Variants in PDE7B observed in about 807,000 individuals in gnomAD.
The protein encoded by PDE7B is 3',5'-cyclic-AMP phosphodiesterase 7B.
A neutral mutation model predicts 56.2 loss-of-function variants in PDE7B; 29 were observed. That is an observed-to-expected ratio of 0.52 (90% confidence interval 0.38 to 0.70). The LOEUF is 0.70. PDE7B is among the 30% of genes least tolerant of loss of function. The pLI, the probability that PDE7B is intolerant of heterozygous loss-of-function variation, is 0.00. For synonymous variants in PDE7B, 197 were observed against 196.9 expected, an observed-to-expected ratio of 1.00 and a Z score of 0.00; for missense variants, 490 against 565.0, an observed-to-expected ratio of 0.87 and a Z score of 1.35.
intron 2 of PDE7B, among the ~76,000 whole-genome samples, chr6:135,952,518 A>G (rs181832141): frequency 1.9e-4 from 29 of 152,240 alleles, no homozygotes; most frequent in African/African-American, 6.5e-4. Context: ...TTGTTCAGCA[A>G]GAGATTGAGG....
At chr6:135,905,501 G>C (rs1261865746) in intron 1 of PDE7B, among the ~76,000 whole-genome samples, 1 of 152,008 alleles carries the variant, frequency 6.6e-6, no homozygotes, top group Non-Finnish European at 1.5e-5. Context: ...CATCCAATAC[G>C]GTCTCCTTTC....
At position 135,997,941 on chromosome 6, in the gene PDE7B, C is replaced by A. The variant is rs146333796; in HGVS notation, c.82+50417C>A. ...TATAAGGATCATTTAGTACATTTTA[C>A]AAAACAAACAAACATACACTAATGG... is the stretch of plus-strand genomic sequence containing the variant. On this transcript the variant is annotated intron_variant, in intron 2 of 12. Coordinates refer to ENST00000308191, the MANE Select transcript of PDE7B (RefSeq NM_018945.4). Among the ~76,000 whole-genome samples, 1,057 of 152,132 alleles carry A rather than the reference C, an allele frequency of 6.9e-3. 30 individuals are homozygous for A. Among genetic ancestry groups the A allele is most frequent in the Admixed American group, 0.051 (774 of 15,266 alleles).
At chr6:136,030,522 C>T (rs531059057) in intron 2 of PDE7B, among the ~76,000 whole-genome samples, 1 of 152,280 alleles carries the variant, frequency 6.6e-6, no homozygotes, top group Admixed American at 6.5e-5. Context: ...TTCTCTGAAT[C>T]AGCAGCACCA....
intron 2 of PDE7B, among the ~76,000 whole-genome samples, chr6:136,054,194 C>T (rs1776687130): frequency 6.6e-6 from 1 of 152,134 alleles, no homozygotes; most frequent in Non-Finnish European, 1.5e-5. Context: ...TTAGGTCTAA[C>T]ATTTAAGTCT....
intron 2 of PDE7B, among the ~76,000 whole-genome samples, chr6:136,025,157 T>A (rs1180044899): frequency 6.6e-6 from 1 of 152,196 alleles, no homozygotes; most frequent in Non-Finnish European, 1.5e-5. Flanking sequence ...CGGAACTCTC[T>A]CCATATTTTT....
At chr6:135,883,291 CT>C (rs1433635462) in intron 1 of PDE7B, among the ~76,000 whole-genome samples, 1 of 152,292 alleles carries the variant, frequency 6.6e-6, no homozygotes, top group Admixed American at 6.5e-5. Context: ...CAAGGTGACA[CT>C]GAGCCCTCAT....
At chr6:136,125,406 A>C (rs77378200) in intron 3 of PDE7B, among the ~76,000 whole-genome samples, 4 of 152,028 alleles carry the variant, frequency 2.6e-5, no homozygotes, top group African/African-American at 9.7e-5. Context: ...TCTTAAAAAA[A>C]TTAAAAAATT....
intron 2 of PDE7B, among the ~76,000 whole-genome samples, chr6:136,020,833 A>G (rs1776058813): frequency 6.6e-6 from 1 of 152,206 alleles, no homozygotes; most frequent in African/African-American, 2.4e-5. Flanking sequence ...TCTATAACAT[A>G]GCTTTCTTTA....
chr6:136,029,555 A>G (rs2128208876), intron 2 of PDE7B, among the ~76,000 whole-genome samples: 1 of 152,364 alleles, frequency 6.6e-6, no homozygotes, highest in South Asian at 2.1e-4. Context: ...AGGTCCAGGA[A>G]GATCATGGAG....
intron 2 of PDE7B, among the ~76,000 whole-genome samples, chr6:135,982,033 T>C (rs1775306380): frequency 6.6e-6 from 1 of 152,114 alleles, no homozygotes; most frequent in Admixed American, 6.6e-5. Context: ...TATAATCCTA[T>C]GGGACCATCA....
At chr6:136,040,772 A>G (rs1776399597) in intron 2 of PDE7B, among the ~76,000 whole-genome samples, 2 of 152,252 alleles carry the variant, frequency 1.3e-5, no homozygotes, top group Middle Eastern at 3.4e-3. Context: ...GCAACTGACT[A>G]TGCATCAGGT....
intron 1 of PDE7B, among the ~76,000 whole-genome samples, chr6:135,863,487 A>G (rs1775190298): frequency 6.6e-6 from 1 of 152,124 alleles, no homozygotes; most frequent in African/African-American, 2.4e-5. Flanking sequence ...AAAAAGGTTC[A>G]GCACATAAAC....
intron 1 of PDE7B, among the ~76,000 whole-genome samples, chr6:135,920,098 G>C (rs964283599): frequency 4.6e-5 from 7 of 152,060 alleles, no homozygotes; most frequent in Non-Finnish European, 8.8e-5. Flanking sequence ...TTTAAAAAGT[G>C]ATCATGAGCC....
At chr6:136,130,322 A>G (rs545301393) in intron 3 of PDE7B, among the ~76,000 whole-genome samples, 7 of 151,428 alleles carry the variant, frequency 4.6e-5, no homozygotes, top group African/African-American at 1.7e-4. Flanking sequence ...TTCTCTCTTG[A>G]TCTCCCTTCC....
Position 136,096,729 on chromosome 6 carries a change from A to G in PDE7B, c.83-12002A>G, listed in dbSNP as rs539167803. Among the ~76,000 whole-genome samples, 67 of 152,282 alleles carry G rather than the reference A, an allele frequency of 4.4e-4. No homozygotes were observed. In the South Asian group the frequency reaches 0.013, roughly 31 times the overall value. On this transcript the variant is annotated intron_variant, in intron 2 of 12. Transcript: ENST00000308191. ...GTCATTTCAGTGATCATAGTTGACC[A>G]ATTGCAAGCCAATACAATAAAGTGC... is the stretch of plus-strand genomic sequence containing the variant.
chr6:136,054,329 T>G (rs1191110728), intron 2 of PDE7B, among the ~76,000 whole-genome samples: 1 of 152,232 alleles, frequency 6.6e-6, no homozygotes, highest in Non-Finnish European at 1.5e-5. Flanking sequence ...CCCCATTTCT[T>G]GTTTTTGTCA....
At position 136,167,921 on chromosome 6, in the gene PDE7B, G is replaced by T. The variant is rs115970823; in HGVS notation, c.712-5876G>T. Among the ~76,000 whole-genome samples the T allele has an allele frequency of 3.0e-3, 464 of 152,232 alleles. 2 individuals carry two copies. The highest frequency in any genetic ancestry group is 0.011 in the African/African-American group (439 of 41,544). ...ACATCAATGGGACTGAGTTTAATAG[G>T]ACACAGGACTTCCGGAATGCCAGAG... On this transcript the variant is annotated intron_variant, in intron 8 of 12. Coordinates refer to ENST00000308191, the MANE Select transcript of PDE7B (RefSeq NM_018945.4).
intron 1 of PDE7B, among the ~76,000 whole-genome samples, chr6:135,873,985 A>G (rs1042973278): frequency 3.9e-5 from 6 of 152,194 alleles, no homozygotes; most frequent in East Asian, 1.9e-4. Context: ...AATTCAATCC[A>G]TATGTAAAAG....
At chr6:135,860,211 A>C (rs1433872254) in intron 1 of PDE7B, among the ~76,000 whole-genome samples, 1 of 152,042 alleles carries the variant, frequency 6.6e-6, no homozygotes, top group East Asian at 1.9e-4. Context: ...ATTGAGACTC[A>C]GATAAATTGC....
Sources: gnomAD v4.1 joint callset for allele counts (sites outside exome capture counted in the v4.1 genomes callset) on GRCh38, gnomAD v4.1.1 for gene constraint, MANE v1.5 for transcripts, NCBI Gene and HGNC (gene_info 2026-07-23, HGNC 2026-07-21) for gene names.